Variants in STARD13 observed in about 807,000 individuals in gnomAD.
STARD13 encodes stAR-related lipid transfer protein 13.
In STARD13, 62 loss-of-function variants were observed where a neutral mutation model predicts 106.4. That is an observed-to-expected ratio of 0.58 (90% confidence interval 0.48 to 0.72). The LOEUF is 0.72. Ranked by LOEUF, STARD13 falls within the 30% of genes least tolerant of loss-of-function variation. The pLI is 0.00. For missense variants in STARD13, 1,387 were observed against 1,424.0 expected (o/e 0.97, Z 0.42); for synonymous variants, 565 against 553.0 (o/e 1.02, Z -0.31).
rs776836438 is a variant in STARD13 at position 33,129,183 on chromosome 13, C to G, written c.1494G>C (p.Glu498Asp). 6.2e-7 allele frequency: 1 copy of G among 1,614,208 alleles called. No individual in the cohort carries two copies. Residue 498 changes from glutamate to aspartate, a missense_variant, in exon 5 of 14, where the codon GAG (glutamate) becomes GAC (aspartate). By Grantham distance (45) the Glu-to-Asp change is conservative. Coordinates refer to ENST00000336934, the MANE Select transcript of STARD13 (RefSeq NM_178006.4). ...DILQHVNGLQEVVDDWSKDVL... is the reference protein window; with the variant it reads ...DILQHVNGLQDVVDDWSKDVL... The stretch of plus-strand genomic sequence containing the variant: ...CATCTTTGGACCAGTCATCGACTAC[C>G]TCTTGGAGCCCATTGACATGCTGCA...
At chr13:33,197,308 G>A (rs990177792) in intron 1 of STARD13, among the ~76,000 whole-genome samples, 7 of 152,168 alleles carry the variant, frequency 4.6e-5, no homozygotes, top group African/African-American at 9.7e-5. Context: ...CCCTGTAAGC[G>A]TACTGGTTGA....
At chr13:33,403,953 T>G in the STARD13 span, among the ~76,000 whole-genome samples, 2 of 152,226 alleles carry the variant, frequency 1.3e-5, no homozygotes, top group Non-Finnish European at 2.9e-5. Flanking sequence ...TCTAGATTCT[T>G]CCATTACTCT....
intron 3 of STARD13, among the ~76,000 whole-genome samples, chr13:33,148,928 T>C (rs770583383): frequency 2.6e-5 from 4 of 152,152 alleles, no homozygotes; most frequent in Admixed American, 6.5e-5. Context: ...GAAACTTAAG[T>C]GCATGTTACT....
chr13:33,478,623 G>A, the STARD13 span, among the ~76,000 whole-genome samples: 1 of 151,966 alleles, frequency 6.6e-6, no homozygotes, highest in Non-Finnish European at 1.5e-5. Flanking sequence ...AAAAAGTAAA[G>A]TAAAAGGTCA....
At chr13:33,204,631 T>C (rs540601404) in intron 1 of STARD13, among the ~76,000 whole-genome samples, 124 of 152,308 alleles carry the variant, frequency 8.1e-4, no homozygotes, top group African/African-American at 2.9e-3. Context: ...AAAGCAGAAA[T>C]AGATCAATAT....
the STARD13 span, among the ~76,000 whole-genome samples, chr13:33,495,929 T>C: frequency 2.1e-5 from 3 of 143,930 alleles, no homozygotes; most frequent in African/African-American, 7.5e-5. Context: ...TTATATATTA[T>C]TGTATATAAT....
chr13:33,444,595 G>T, the STARD13 span, among the ~76,000 whole-genome samples: 3 of 152,050 alleles, frequency 2.0e-5, no homozygotes, highest in African/African-American at 7.2e-5. Context: ...AGGAGATCCT[G>T]TCTCTACAAA....
the STARD13 span, among the ~76,000 whole-genome samples, chr13:33,606,519 T>G: frequency 1.3e-5 from 2 of 152,238 alleles, no homozygotes; most frequent in African/African-American, 4.8e-5. Flanking sequence ...TCTAACTTCT[T>G]GGGTTGTATA....
chr13:33,212,502 C>T lies in STARD13; in HGVS notation c.170-44880G>A, dbSNP rs574359274. On this transcript the variant is annotated intron_variant, in intron 1 of 13. Transcript: ENST00000336934. Reference sequence around the variant, plus strand: ...TGGGCACACTGGCACCCAGAGCCTACATGAGCAGCAACATGTATTAATCCT... The same window carrying T: ...TGGGCACACTGGCACCCAGAGCCTATATGAGCAGCAACATGTATTAATCCT... 2.5e-4 allele frequency among the ~76,000 whole-genome samples: 38 copies of T among 152,320 alleles called. No individual in the cohort carries two copies. The South Asian group carries it at 7.1e-3, about 28-fold the overall frequency.
Position 33,177,939 on chromosome 13 carries a change from G to A in STARD13, c.170-10317C>T, listed in dbSNP as rs1392770827. On this transcript the variant is annotated intron_variant, in intron 1 of 13. Transcript: ENST00000336934. ...AGGAAGGAAGGAAGGAAGGAAGGAA[G>A]GAAGGAAGGAAGGAAAGGAAGGAAG... Among the ~76,000 whole-genome samples the A allele has an allele frequency of 9.0e-4, 9 of 10,050 alleles. 1 individual carries two copies. In the East Asian group the frequency reaches 9.6e-3, roughly 11 times the overall value. 6.6% of individuals were successfully genotyped at this position (10,050 alleles called of 152,430 possible). A position where few individuals can be genotyped will look rare whatever the true frequency, so the allele number is the denominator to read the frequency against.
chr13:33,362,460 G>A, the STARD13 span, among the ~76,000 whole-genome samples: 2 of 152,056 alleles, frequency 1.3e-5, no homozygotes, highest in Non-Finnish European at 2.9e-5. Context: ...ATCAATAAGG[G>A]AAAAACGACA....
the STARD13 span, among the ~76,000 whole-genome samples, chr13:33,532,721 TA>T: frequency 6.6e-6 from 1 of 152,194 alleles, no homozygotes; most frequent in African/African-American, 2.4e-5. Context: ...CATTTGGGTA[TA>T]AAAAAGTTGT....
At chr13:33,587,099 C>T in the STARD13 span, among the ~76,000 whole-genome samples, 546 of 151,958 alleles carry the variant, frequency 3.6e-3, 6 homozygotes, top group Non-Finnish European at 3.8e-3. Context: ...GCCTGTAATC[C>T]CAGCTACTCA....
chr13:33,675,293 C>T, the STARD13 span, among the ~76,000 whole-genome samples: 3 of 152,204 alleles, frequency 2.0e-5, no homozygotes, highest in African/African-American at 7.2e-5. Flanking sequence ...CTACCCTAAT[C>T]TGTGCGCAGC....
chr13:33,370,622 T>TC, the STARD13 span, among the ~76,000 whole-genome samples: 5 of 145,474 alleles, frequency 3.4e-5, no homozygotes, highest in African/African-American at 1.0e-4. Context: ...TTTCTTTCTT[T>TC]TTTTTTTTTT....
At chr13:33,551,861 G>A in the STARD13 span, among the ~76,000 whole-genome samples, 2 of 151,954 alleles carry the variant, frequency 1.3e-5, no homozygotes, top group Admixed American at 1.3e-4. Flanking sequence ...GCCTCCCAAA[G>A]TGCTGGGATT....
At chr13:33,465,283 G>A in the STARD13 span, among the ~76,000 whole-genome samples, 1 of 142,240 alleles carries the variant, frequency 7.0e-6, no homozygotes, top group African/African-American at 2.7e-5. Flanking sequence ...TCGGCTCACT[G>A]CAAGCTCCGC....
intron 1 of STARD13, among the ~76,000 whole-genome samples, chr13:33,329,137 C>T (rs2077808599): frequency 6.6e-6 from 1 of 152,130 alleles, no homozygotes; most frequent in South Asian, 2.1e-4. Flanking sequence ...TGAACTTATA[C>T]ATAATCAAAT....
chr13:33,316,257 C>T (rs1401249488), intron 1 of STARD13, among the ~76,000 whole-genome samples: 1 of 143,850 alleles, frequency 7.0e-6, no homozygotes, highest in East Asian at 1.9e-4. Context: ...TATGCCTTCA[C>T]TTCTTCTTTA....
Sources: allele counts gnomAD v4.1 joint callset (sites outside exome capture counted in the v4.1 genomes callset), GRCh38; gene constraint gnomAD v4.1.1; transcripts MANE v1.5; gene names NCBI Gene and HGNC (gene_info 2026-07-23, HGNC 2026-07-21).